The following OLA1 variants were observed in gnomAD, a reference collection of about 807,000 sequenced individuals.
OLA1 encodes the protein obg-like ATPase 1.
Under a neutral mutation model 48.4 loss-of-function variants are expected in OLA1, and 14 were observed. The observed-to-expected ratio is 0.29, with a 90% confidence interval of 0.19 to 0.45. OLA1 has a LOEUF of 0.45. Among genes scored for constraint, OLA1 ranks in the 20% least tolerant of loss-of-function variants. The pLI is 1.00. For synonymous variants in OLA1, 127 were observed against 150.4 expected, an observed-to-expected ratio of 0.84 and a Z score of 1.14; for missense variants, 325 against 467.1, an observed-to-expected ratio of 0.70 and a Z score of 2.80.
intron 3 of OLA1, among the ~76,000 whole-genome samples, chr2:174,228,728 C>A (rs1688665736): frequency 6.6e-6 from 1 of 152,116 alleles, no homozygotes; most frequent in Non-Finnish European, 1.5e-5. Context: ...TCATTTCATA[C>A]ATTTTTTATG....
In OLA1 at chr2:174,073,314, A is replaced by G. The variant is rs1433011866; in HGVS notation, c.*2112T>C. ...CCACGCCTGGCCTCAAATCTCTTTTAACCATAAATTTGATTAAGATGGAGC... is the reference window on the plus strand; with the variant it reads ...CCACGCCTGGCCTCAAATCTCTTTTGACCATAAATTTGATTAAGATGGAGC... On this transcript the variant is annotated 3_prime_UTR_variant, in exon 11 of 11. Transcript: ENST00000284719. The G allele has an allele frequency of 6.6e-6, 1 of 152,140 alleles. No individual in the cohort carries two copies. The highest frequency in any genetic ancestry group is 1.5e-5 in the Non-Finnish European group (1 of 68,018). 9.4% of individuals were successfully genotyped at this position (152,140 alleles called of 1,614,324 possible). A position where few individuals can be genotyped will look rare whatever the true frequency, so the allele number is the denominator to read the frequency against.
At chr2:174,179,069 A>C (rs1413534886) in intron 4 of OLA1, among the ~76,000 whole-genome samples, 1 of 151,986 alleles carries the variant, frequency 6.6e-6, no homozygotes, top group Non-Finnish European at 1.5e-5. Context: ...AAATGCGAGT[A>C]GAGATTTTAA....
chr2:174,136,152 T>C (rs535866495), intron 5 of OLA1, among the ~76,000 whole-genome samples: 2 of 152,178 alleles, frequency 1.3e-5, no homozygotes, highest in South Asian at 4.1e-4. Flanking sequence ...TTGCTGAAGG[T>C]TGGGTGGCTG....
chr2:174,087,889 T>A (rs1685019996), intron 7 of OLA1, among the ~76,000 whole-genome samples: 1 of 152,236 alleles, frequency 6.6e-6, no homozygotes, highest in Non-Finnish European at 1.5e-5. Context: ...TTTGTTGATA[T>A]ACATTAGGAC....
chr2:174,223,133 C>G lies in OLA1; in HGVS notation c.273G>C (p.Val91=). The G allele has an allele frequency of 6.2e-7, 1 of 1,613,924 alleles. No homozygotes were observed. Residue 91 remains valine, a synonymous_variant, in exon 4 of 11, where the codon GTG becomes GTC. Coordinates refer to ENST00000284719, the MANE Select transcript of OLA1 (RefSeq NM_013341.5). ...ASKIPAFLNV[V]DIAGLVKGAH... ...CTCCTTTCACAAGGCCAGCAATATC[C>G]ACCACATTTAGAAAGGCAGGAATTT...
At chr2:174,219,349 A>G (rs1269198789) in intron 4 of OLA1, among the ~76,000 whole-genome samples, 1 of 149,936 alleles carries the variant, frequency 6.7e-6, no homozygotes, top group East Asian at 2.0e-4. Flanking sequence ...GGAAATCATT[A>G]TCAGTATCTT....
chr2:174,106,062 T>C (rs988383922), intron 7 of OLA1, among the ~76,000 whole-genome samples: 2 of 152,106 alleles, frequency 1.3e-5, no homozygotes, highest in African/African-American at 4.8e-5. Flanking sequence ...TGGTAATTTC[T>C]AAAAATCATT....
intron 4 of OLA1, among the ~76,000 whole-genome samples, chr2:174,181,737 ACCT>A (rs1687545256): frequency 6.6e-6 from 1 of 152,044 alleles, no homozygotes; most frequent in Non-Finnish European, 1.5e-5. Flanking sequence ...TTTTTCCCTT[ACCT>A]CCTTCAGTTA....
At position 174,246,769 on chromosome 2, in the gene OLA1, A is replaced by G. The variant is rs1559024895; in HGVS notation, c.47T>C (p.Ile16Thr). 3 of 1,613,214 alleles carry G rather than the reference A, an allele frequency of 1.9e-6. No homozygotes were observed. Among genetic ancestry groups the G allele is most frequent in the Admixed American group, 1.7e-5 (1 of 59,984 alleles). The change falls in exon 2 of 11, where the codon ATT (isoleucine) becomes ACT (threonine). Residue 16 changes from isoleucine (I) to threonine (T), a missense_variant. Coordinates refer to ENST00000284719, the MANE Select transcript of OLA1 (RefSeq NM_013341.5). ...GGDGIKPPPI[I>T]GRFGTSLKIG... ...TTTCAGTGAGGTTCCAAATCTTCCA[A>G]TGATTGGGGGTGGTTTAATTCCATC... is the stretch of plus-strand genomic sequence containing the variant.
intron 2 of OLA1, among the ~76,000 whole-genome samples, chr2:174,235,837 C>A (rs966875849): frequency 4.6e-5 from 7 of 152,078 alleles, no homozygotes; most frequent in African/African-American, 1.7e-4. Flanking sequence ...GAAAGAACCA[C>A]CCAAACAGAG....
intron 7 of OLA1, among the ~76,000 whole-genome samples, chr2:174,089,439 C>A (rs1440654416): frequency 6.6e-6 from 1 of 152,066 alleles, no homozygotes; most frequent in African/African-American, 2.4e-5. Context: ...TAGTGGAGAA[C>A]AGTAAGGATA....
intron 7 of OLA1, among the ~76,000 whole-genome samples, chr2:174,120,278 A>T (rs1558963023): frequency 6.6e-6 from 1 of 152,032 alleles, no homozygotes; most frequent in Non-Finnish European, 1.5e-5. Context: ...TGACACCATG[A>T]CTCAGTAAGC....
intron 3 of OLA1, among the ~76,000 whole-genome samples, chr2:174,224,272 C>A (rs928277655): frequency 2.6e-5 from 4 of 152,168 alleles, no homozygotes; most frequent in African/African-American, 9.7e-5. Flanking sequence ...GCCTCCCCAG[C>A]ATCCACTGCC....
intron 4 of OLA1, among the ~76,000 whole-genome samples, chr2:174,188,182 G>A (rs752463592): frequency 2.6e-5 from 4 of 152,070 alleles, no homozygotes; most frequent in African/African-American, 9.7e-5. Context: ...AACAACATGC[G>A]TTCATAACAG....
chr2:174,223,092 C>T lies in OLA1; in HGVS notation c.314G>A (p.Gly105Asp), dbSNP rs1246563323. The T allele has an allele frequency of 6.2e-7, 1 of 1,613,938 alleles. No individual in the cohort carries two copies. The highest frequency in any genetic ancestry group is 2.2e-5 in the East Asian group (1 of 44,858). ...GLVKGAHNGQ[G>D]LGNAFLSHIS... ...ATGAGATAAAAAAGCATTCCCCAGGCCCTGCCCATTGTGAGCTCCTTTCAC... is the reference window on the plus strand; with the variant it reads ...ATGAGATAAAAAAGCATTCCCCAGGTCCTGCCCATTGTGAGCTCCTTTCAC... Residue 105 changes from glycine (G) to aspartate (D), a missense_variant, in exon 4 of 11, where the codon GGC (glycine) becomes GAC (aspartate). Gly to Asp is a moderately conservative substitution (Grantham distance 94). Coordinates refer to ENST00000284719, the MANE Select transcript of OLA1 (RefSeq NM_013341.5).
chr2:174,114,172 CA>C (rs33971592), intron 7 of OLA1, among the ~76,000 whole-genome samples: 1,351 of 78,182 alleles, frequency 0.017, 28 homozygotes, highest in African/African-American at 0.073. Context: ...ACTAAAAATA[CA>C]AAAAAAAAAA....
At chr2:174,097,151 G>A (rs150176286) in intron 7 of OLA1, among the ~76,000 whole-genome samples, 490 of 152,074 alleles carry the variant, frequency 3.2e-3, no homozygotes, top group African/African-American at 2.9e-3. Flanking sequence ...GCAAAACTCC[G>A]TCTCAAAATA....
intron 7 of OLA1, among the ~76,000 whole-genome samples, chr2:174,099,822 ATTGAC>A (rs1372173533): frequency 3.3e-4 from 51 of 152,338 alleles, no homozygotes; most frequent in African/African-American, 1.1e-3. Flanking sequence ...ATGCTATGTA[ATTGAC>A]TTAAGTCCAT....
chr2:174,225,514 A>G (rs988178583), intron 3 of OLA1, among the ~76,000 whole-genome samples: 11 of 151,842 alleles, frequency 7.2e-5, no homozygotes, highest in Non-Finnish European at 1.5e-4. Flanking sequence ...GCGCCATTGC[A>G]CTCCAGCCTG....
Sources: allele counts gnomAD v4.1 joint callset (sites outside exome capture counted in the v4.1 genomes callset), GRCh38; gene constraint gnomAD v4.1.1; transcripts MANE v1.5; gene names NCBI Gene and HGNC (gene_info 2026-07-23, HGNC 2026-07-21).